The following LHX8 variants were observed in gnomAD, a reference collection of about 807,000 sequenced individuals.
LHX8 encodes the protein LIM homeobox 8.
Under a neutral mutation model 40.3 loss-of-function variants are expected in LHX8, and 12 were observed. That is an observed-to-expected ratio of 0.30 (90% CI 0.19 to 0.48). The LOEUF is 0.48. LHX8 is among the 20% of genes least tolerant of loss of function. LHX8 has a pLI of 0.99. For synonymous variants in LHX8, 179 were observed against 162.0 expected (o/e 1.10, Z -0.80); for missense variants, 344 against 433.7 (o/e 0.79, Z 1.84).
At chr1:75,129,441 T>C (rs1371954968), upstream of LHX8, among the ~76,000 whole-genome samples, 1 of 152,030 alleles carries the variant, frequency 6.6e-6, no homozygotes, top group African/African-American at 2.4e-5. Flanking sequence ...TGGGCCAACT[T>C]TTTTTTTGTA....
At position 75,141,125 on chromosome 1, in the gene LHX8, T is replaced by G. The variant is rs770646103; in HGVS notation, c.359+19T>G. 2 of 1,610,998 alleles carry G rather than the reference T, an allele frequency of 1.2e-6. No homozygotes were observed. The highest frequency in any genetic ancestry group is 1.1e-5 in the South Asian group (1 of 91,024). Reference sequence around the variant, plus strand: ...ATTTCAGGTATGCTGTGAAGCTTTTTCTTAGTAGATACTTGAATAAATTAT... The same window carrying G: ...ATTTCAGGTATGCTGTGAAGCTTTTGCTTAGTAGATACTTGAATAAATTAT... On this transcript the variant is annotated intron_variant, in intron 4 of 8. Coordinates refer to ENST00000356261, the MANE Select transcript of LHX8 (RefSeq NM_001256114.2).
the LHX8 span, among the ~76,000 whole-genome samples, chr1:75,169,640 T>C: frequency 2.0e-5 from 3 of 152,196 alleles, no homozygotes; most frequent in African/African-American, 7.2e-5. Flanking sequence ...TCTTTTGATG[T>C]TCTTAGTAGA....
chr1:75,185,022 T>C, the LHX8 span, among the ~76,000 whole-genome samples: 2 of 151,846 alleles, frequency 1.3e-5, no homozygotes, highest in African/African-American at 2.4e-5. Context: ...GTTAAATTCT[T>C]GGACACATAC....
At chr1:75,180,039 G>C in the LHX8 span, among the ~76,000 whole-genome samples, 7 of 152,290 alleles carry the variant, frequency 4.6e-5, no homozygotes, top group East Asian at 1.2e-3. Flanking sequence ...CTGGCTTGTA[G>C]AGTTTCTGCC....
downstream of LHX8, among the ~76,000 whole-genome samples, chr1:75,163,781 G>C (rs140669019): frequency 6.6e-6 from 1 of 152,052 alleles, no homozygotes; most frequent in Non-Finnish European, 1.5e-5. Context: ...TTAAAACATA[G>C]TCTGCAATGT....
chr1:75,137,336 C>A, intron 3 of LHX8, 75 bp downstream of exon 3: 1 of 1,436,818 alleles, frequency 7.0e-7, no homozygotes, highest in Non-Finnish European at 9.7e-7. Flanking sequence ...GAGTAATGTT[C>A]CTCCCACCAA....
At chr1:75,181,072 C>T in the LHX8 span, among the ~76,000 whole-genome samples, 2 of 152,196 alleles carry the variant, frequency 1.3e-5, no homozygotes. Context: ...GCTGATCCTT[C>T]CTCTGGAAGC....
At chr1:75,172,614 C>T in the LHX8 span, among the ~76,000 whole-genome samples, 1 of 152,182 alleles carries the variant, frequency 6.6e-6, no homozygotes, top group Non-Finnish European at 1.5e-5. Flanking sequence ...TTGGTTGGGA[C>T]ATATTTTCCT....
At chr1:75,177,705 C>T in the LHX8 span, among the ~76,000 whole-genome samples, 16,212 of 152,140 alleles carry the variant, frequency 0.11, 1,089 homozygotes, top group Non-Finnish European at 0.16. Context: ...GAACTTCTAA[C>T]GCTATGTTGA....
At chr1:75,166,139 TA>T (rs1451642089), downstream of LHX8, among the ~76,000 whole-genome samples, 22 of 152,228 alleles carry the variant, frequency 1.4e-4, no homozygotes, top group Non-Finnish European at 2.9e-5. Context: ...AGCACTGCCC[TA>T]TCCCAGGCAA....
At chr1:75,181,298 G>T in the LHX8 span, among the ~76,000 whole-genome samples, 2 of 152,200 alleles carry the variant, frequency 1.3e-5, no homozygotes, top group Non-Finnish European at 1.5e-5. Context: ...TTTTTGTTCA[G>T]CTATGCCCTG....
chr1:75,136,654 G>A lies in LHX8; in HGVS notation c.40G>A (p.Gly14Arg), dbSNP rs1419351988. The change falls in exon 2 of 9, where the codon GGG (glycine) becomes AGG (arginine). Residue 14 changes from glycine to arginine, a missense_variant. Gly to Arg is a moderately radical substitution (Grantham distance 125). Transcript: ENST00000356261. ...CGGGCGGACTACAGCCCTGGCGGCC[G>A]GGAGGACTCGCAAAGGCGCCGGGGA... ...ECGRTTALAAGRTRKGAGEEG... is the reference protein window; with the variant it reads ...ECGRTTALAARRTRKGAGEEG... 6.5e-7 allele frequency: 1 copy of A among 1,548,830 alleles called. No individual in the cohort carries two copies. Among genetic ancestry groups the A allele is most frequent in the East Asian group, 2.4e-5 (1 of 40,874 alleles).
the LHX8 span, among the ~76,000 whole-genome samples, chr1:75,185,069 C>T: frequency 6.6e-6 from 1 of 151,694 alleles, no homozygotes; most frequent in Non-Finnish European, 1.5e-5. Flanking sequence ...AATTGATTCC[C>T]TGAACAAACC....
chr1:75,158,132 C>T (rs78562979), intron 8 of LHX8, among the ~76,000 whole-genome samples: 2,510 of 152,256 alleles, frequency 0.016, 72 homozygotes, highest in African/African-American at 0.058. Context: ...TTTTAATTTG[C>T]CTTTCCCTGA....
At chr1:75,166,501 C>T (rs1029134735), downstream of LHX8, among the ~76,000 whole-genome samples, 3 of 152,248 alleles carry the variant, frequency 2.0e-5, no homozygotes, top group Non-Finnish European at 2.9e-5. Context: ...ATTTACTTCC[C>T]GGAACCAGGG....
chr1:75,148,872 G>A (rs1239945327), intron 7 of LHX8, among the ~76,000 whole-genome samples, 190 bp downstream of exon 7: 1 of 152,088 alleles, frequency 6.6e-6, no homozygotes, highest in Non-Finnish European at 1.5e-5. Context: ...TCAATCAAGA[G>A]AAACAAAAAG....
intron 1 of LHX8, among the ~76,000 whole-genome samples, chr1:75,128,771 G>C (rs1647889001): frequency 6.6e-6 from 1 of 152,172 alleles, no homozygotes; most frequent in Admixed American, 6.5e-5. Flanking sequence ...AAATGTTATA[G>C]ATTAACTCTC....
chr1:75,185,770 C>T, the LHX8 span, among the ~76,000 whole-genome samples: 7 of 152,030 alleles, frequency 4.6e-5, no homozygotes, highest in South Asian at 2.1e-4. Context: ...TGTTTGCAAA[C>T]GACATAATCT....
the LHX8 span, among the ~76,000 whole-genome samples, chr1:75,189,367 T>C: frequency 9.9e-5 from 15 of 152,216 alleles, no homozygotes; most frequent in African/African-American, 3.6e-4. Flanking sequence ...TGCAGGTTAC[T>C]AGACCAGCCA....
Sources: gnomAD v4.1 joint callset for allele counts (sites outside exome capture counted in the v4.1 genomes callset) on GRCh38, gnomAD v4.1.1 for gene constraint, MANE v1.5 for transcripts, NCBI Gene and HGNC (gene_info 2026-07-23, HGNC 2026-07-21) for gene names.